PHLDB2: variants seen among roughly 807,000 people sequenced by gnomAD.
PHLDB2 encodes pleckstrin homology like domain family B member 2.
In PHLDB2, 71 loss-of-function variants were observed where a neutral mutation model predicts 123.6. The ratio of observed to expected loss-of-function variants is 0.57; its 90% CI spans 0.47 to 0.70. PHLDB2 has a LOEUF of 0.70. Ranked by LOEUF, PHLDB2 falls within the 30% of genes least tolerant of loss-of-function variation. The pLI is 0.00. For missense variants in PHLDB2, 1,446 were observed against 1,519.5 expected (o/e 0.95, Z 0.80); for synonymous variants, 547 against 541.6 (o/e 1.01, Z -0.14).
intron 1 of PHLDB2, among the ~76,000 whole-genome samples, chr3:111,827,441 C>A (rs1658877378): frequency 6.6e-6 from 1 of 152,032 alleles, no homozygotes; most frequent in South Asian, 2.1e-4. Flanking sequence ...TTTGGGAGGC[C>A]CAGGTGGGCG....
intron 1 of PHLDB2, among the ~76,000 whole-genome samples, chr3:111,801,025 G>T (rs2061357984): frequency 6.6e-6 from 1 of 152,136 alleles, no homozygotes; most frequent in Non-Finnish European, 1.5e-5. Flanking sequence ...AATATTAAAT[G>T]TAACATTCTC....
At chr3:111,762,090 G>A (rs537362970) in intron 1 of PHLDB2, among the ~76,000 whole-genome samples, 13 of 152,208 alleles carry the variant, frequency 8.5e-5, no homozygotes, top group African/African-American at 2.2e-4. Flanking sequence ...CCAGACCAGC[G>A]TCTTAGCTAT....
intron 1 of PHLDB2, among the ~76,000 whole-genome samples, chr3:111,834,161 TATATGTAATAGAATTATATATATTA>T (rs1424922646): frequency 4.4e-5 from 3 of 67,872 alleles, no homozygotes; most frequent in Non-Finnish European, 5.7e-5. Flanking sequence ...ATATATATTA[TATATGTAATAGAATTATATATATTA>T]TATATGTAAT....
intron 13 of PHLDB2, among the ~76,000 whole-genome samples, chr3:111,965,698 A>C (rs1411860768): frequency 6.6e-6 from 1 of 152,254 alleles, no homozygotes; most frequent in African/African-American, 2.4e-5. Context: ...ACAAAAGTAC[A>C]CATGCATTAC....
At chr3:111,964,915 C>G (rs1001058975) in intron 13 of PHLDB2, among the ~76,000 whole-genome samples, 1 of 152,006 alleles carries the variant, frequency 6.6e-6, no homozygotes, top group Non-Finnish European at 1.5e-5. Flanking sequence ...TAGTGAAATT[C>G]AAATTATTTT....
chr3:111,761,957 A>T (rs2060003023), intron 1 of PHLDB2, among the ~76,000 whole-genome samples: 1 of 152,190 alleles, frequency 6.6e-6, no homozygotes, highest in Non-Finnish European at 1.5e-5. Context: ...ATTTCCTTAA[A>T]ATAGGTGCTT....
intron 2 of PHLDB2, among the ~76,000 whole-genome samples, chr3:111,851,192 CT>C (rs1432739935): frequency 1.1e-3 from 50 of 46,740 alleles, no homozygotes; most frequent in African/African-American, 3.2e-3. Context: ...GAGATTCTGT[CT>C]TAAAAAAAAA....
chr3:111,875,042 A>G (rs17425250), intron 1 of PHLDB2, among the ~76,000 whole-genome samples: 15,774 of 152,290 alleles, frequency 0.1, 1,068 homozygotes, highest in Non-Finnish European at 0.15. Context: ...TCAGATGCAT[A>G]AAGAGTGAAA....
upstream of PHLDB2, among the ~76,000 whole-genome samples, chr3:111,855,158 C>A (rs1326276840): frequency 1.3e-5 from 2 of 151,972 alleles, no homozygotes; most frequent in Non-Finnish European, 2.9e-5. Context: ...GCTTTAGCCT[C>A]AACACTGTGC....
chr3:111,868,674 C>T (rs993726332), intron 1 of PHLDB2, among the ~76,000 whole-genome samples: 1 of 151,948 alleles, frequency 6.6e-6, no homozygotes, highest in South Asian at 2.1e-4. Context: ...TTGATATTGT[C>T]TCCTTTAAAT....
chr3:111,818,373 T>G (rs896586533), intron 1 of PHLDB2, among the ~76,000 whole-genome samples: 2 of 152,140 alleles, frequency 1.3e-5, no homozygotes, highest in Non-Finnish European at 2.9e-5. Flanking sequence ...ATTGGTCACA[T>G]TTTTGTTACT....
At chr3:111,803,793 CAA>C (rs1045539201) in intron 1 of PHLDB2, among the ~76,000 whole-genome samples, 1 of 152,116 alleles carries the variant, frequency 6.6e-6, no homozygotes, top group Non-Finnish European at 1.5e-5. Flanking sequence ...TGCTTTAAAA[CAA>C]AGTGAGATAA....
chr3:111,885,244 A>G lies in PHLDB2; in HGVS notation c.1167A>G (p.Glu389=), dbSNP rs765909957. The G allele has an allele frequency of 6.2e-7, 1 of 1,614,138 alleles. No homozygotes were observed. The highest frequency in any genetic ancestry group is 1.1e-5 in the South Asian group (1 of 91,084). ...GGAACTTCTCTTGTGGATCTGTGGAATTTGATGAGGCAGATTTGGAAAGCC... is the reference window on the plus strand; with the variant it reads ...GGAACTTCTCTTGTGGATCTGTGGAGTTTGATGAGGCAGATTTGGAAAGCC... ...TRRNFSCGSV[E]FDEADLESLR... Residue 389 remains glutamate, a synonymous_variant, in exon 2 of 18, where the codon GAA becomes GAG. Transcript: ENST00000431670.
intron 1 of PHLDB2, among the ~76,000 whole-genome samples, chr3:111,808,628 T>G (rs2061703115): frequency 6.6e-6 from 1 of 152,092 alleles, no homozygotes; most frequent in Non-Finnish European, 1.5e-5. Flanking sequence ...AGTAAACATG[T>G]ATTCTTAAGC....
intron 1 of PHLDB2, among the ~76,000 whole-genome samples, chr3:111,829,225 G>T (rs549476807): frequency 1.3e-5 from 2 of 151,898 alleles, no homozygotes; most frequent in South Asian, 2.1e-4. Context: ...TCTCGCAAAG[G>T]CATGCAATTA....
chr3:111,902,958 A>G (rs1203243352), intron 2 of PHLDB2, among the ~76,000 whole-genome samples: 1 of 152,068 alleles, frequency 6.6e-6, no homozygotes, highest in Admixed American at 6.6e-5. Context: ...TTTTTATTTT[A>G]TTTATTTTTT....
chr3:111,887,618 C>G (rs552414232), intron 2 of PHLDB2, among the ~76,000 whole-genome samples: 13 of 152,024 alleles, frequency 8.6e-5, no homozygotes, highest in Non-Finnish European at 1.5e-4. Context: ...GGGTTTTCCC[C>G]CTGAAAAAAT....
At chr3:111,953,807 C>A (rs2070860436) in intron 11 of PHLDB2, 123 bp from the exon 12 acceptor site, 2 of 702,800 alleles carry the variant, frequency 2.8e-6, no homozygotes, top group Non-Finnish European at 4.6e-6. Flanking sequence ...AAATGAAATG[C>A]AAAGACTTAC....
At chr3:111,906,889 A>G (rs1386085491) in intron 2 of PHLDB2, among the ~76,000 whole-genome samples, 4 of 152,140 alleles carry the variant, frequency 2.6e-5, no homozygotes, top group South Asian at 2.1e-4. Context: ...TGCACATGCT[A>G]TTTAAACTAA....
Sources: gnomAD v4.1 joint callset for allele counts (sites outside exome capture counted in the v4.1 genomes callset) on GRCh38, gnomAD v4.1.1 for gene constraint, MANE v1.5 for transcripts, NCBI Gene and HGNC (gene_info 2026-07-23, HGNC 2026-07-21) for gene names.